PIEZO2: variants seen among roughly 807,000 people sequenced by gnomAD.
PIEZO2 encodes the protein piezo type mechanosensitive ion channel component 2.
Under a neutral mutation model 337.3 loss-of-function variants are expected in PIEZO2, and 172 were observed. The ratio of observed to expected loss-of-function variants is 0.51; its 90% CI spans 0.45 to 0.58. The LOEUF is 0.58. PIEZO2 is among the 20% of genes least tolerant of loss of function. The pLI is 0.00. For missense variants in PIEZO2, 3,028 were observed against 3,391.3 expected (o/e 0.89, Z 2.66); for synonymous variants, 1,251 against 1,228.5 (o/e 1.02, Z -0.38).
chr18:10,798,818 T>G (rs576138312), intron 11 of PIEZO2, among the ~76,000 whole-genome samples: 1 of 152,206 alleles, frequency 6.6e-6, no homozygotes, highest in African/African-American at 2.4e-5. Flanking sequence ...GTGCTCATGC[T>G]CTGAAGAGCA....
chr18:11,142,922 CA>C (rs1351233494), intron 1 of PIEZO2, among the ~76,000 whole-genome samples: 2 of 151,758 alleles, frequency 1.3e-5, no homozygotes, highest in African/African-American at 2.4e-5. Flanking sequence ...ACTAAAAATA[CA>C]AAAAAATTAG....
At chr18:10,790,546 A>G (rs1023468171) in intron 14 of PIEZO2, among the ~76,000 whole-genome samples, 2 of 152,162 alleles carry the variant, frequency 1.3e-5, no homozygotes, top group Non-Finnish European at 2.9e-5. Context: ...GTGGTATACT[A>G]TTGTTAAGAA....
Position 10,978,580 on chromosome 18 carries a change from G to C in PIEZO2, c.286+955C>G, listed in dbSNP as rs116806293. On this transcript the variant is annotated intron_variant, in intron 3 of 55. Transcript: ENST00000674853. ...TATGCAGTGAGGGATAATAGTTTAT[G>C]TATATAAATTTTACTAAAGGATTCC... Among the ~76,000 whole-genome samples, 751 of 152,252 alleles carry C rather than the reference G, an allele frequency of 4.9e-3. 6 individuals carry two copies. The highest frequency in any genetic ancestry group is 0.016 in the African/African-American group (645 of 41,560).
chr18:10,977,011 G>GTGTGTGTGTA (rs1568259478), intron 3 of PIEZO2, among the ~76,000 whole-genome samples: 1 of 150,070 alleles, frequency 6.7e-6, no homozygotes, highest in Non-Finnish European at 1.5e-5. Flanking sequence ...ATGTGTGTGT[G>GTGTGTGTGTA]TGTGTGTGTG....
In PIEZO2 at chr18:11,099,287, A is replaced by T. The variant is rs1392317422; in HGVS notation, c.65-33065T>A. 1.3e-5 allele frequency among the ~76,000 whole-genome samples: 2 copies of T among 152,206 alleles called. No homozygotes were observed. The highest frequency in any genetic ancestry group is 3.8e-4 in the East Asian group (2 of 5,196). ...ATGGATCATAAAGTATGCATATTTT[A>T]AATTTTGATAGACAATATCAAACTT... On this transcript the variant is annotated intron_variant, in intron 1 of 55. Transcript: ENST00000674853. The surrounding 1 kb of genome is among the most constrained non-coding windows in gnomAD (Gnocchi z 5.4).
chr18:10,726,917 T>G lies in PIEZO2; in HGVS notation c.5029+4490A>C. On this transcript the variant is annotated intron_variant, in intron 36 of 55. Transcript: ENST00000674853. This position sits in a 1 kb window ranked among gnomAD's most constrained non-coding sequence, Gnocchi z 5.9. ...ACCAACCGGCTGGATGTGGCGGAGC[T>G]GGGTCGCCTGCTGCCCGACTGATGT... 1 of 1,567,616 alleles carries G rather than the reference T, an allele frequency of 6.4e-7. No homozygotes were observed. The highest frequency in any genetic ancestry group is 1.4e-5 in the African/African-American group (1 of 73,650).
At position 10,789,105 on chromosome 18, in the gene PIEZO2, A is replaced by G. The variant is rs1446077627; in HGVS notation, c.2143T>C (p.Phe715Leu). 6.5e-7 allele frequency: 1 copy of G among 1,537,274 alleles called. No homozygotes were observed. The highest frequency in any genetic ancestry group is 2.4e-5 in the East Asian group (1 of 40,924). The change falls in exon 15 of 56, where the codon TTC (phenylalanine) becomes CTC (leucine). Residue 715 changes from phenylalanine (F) to leucine (L), a missense_variant. By Grantham distance (22) the Phe-to-Leu change is conservative (BLOSUM62 0). Transcript: ENST00000674853. Reference protein sequence around the residue: ...VMYKIIYMVLFLFCVALYQVH... With the variant: ...VMYKIIYMVLLLFCVALYQVH... ...TGGTATAGGGCCACACAGAACAGGA[A>G]CAGCACCATGTAGATGATTTTGTAC...
chr18:10,800,203 AAAG>A (rs1446752440), intron 11 of PIEZO2, 131 bp downstream of exon 11: 1 of 1,249,730 alleles, frequency 8.0e-7, no homozygotes, highest in Non-Finnish European at 1.1e-6. Context: ...GGCAGAACTT[AAAG>A]AAGTGAGGTT....
At chr18:10,882,878 C>G (rs1305682308) in intron 4 of PIEZO2, among the ~76,000 whole-genome samples, 1 of 117,928 alleles carries the variant, frequency 8.5e-6, no homozygotes, top group Non-Finnish European at 1.6e-5. Flanking sequence ...CTTGCCCTGT[C>G]ACCAGGCTGG....
chr18:11,138,921 C>T (rs557198529), intron 1 of PIEZO2, among the ~76,000 whole-genome samples: 47 of 152,310 alleles, frequency 3.1e-4, no homozygotes. Flanking sequence ...CCATTCTCAA[C>T]TTTCAACAGG....
chr18:11,131,055 T>C lies in PIEZO2; in HGVS notation c.64+17470A>G, dbSNP rs1301576140. Among the ~76,000 whole-genome samples the C allele has an allele frequency of 6.6e-6, 1 of 152,144 alleles. No homozygotes were observed. Among genetic ancestry groups the C allele is most frequent in the African/African-American group, 2.4e-5 (1 of 41,440 alleles). On this transcript the variant is annotated intron_variant, in intron 1 of 55. Transcript: ENST00000674853. This position sits in a 1 kb window ranked among gnomAD's most constrained non-coding sequence, Gnocchi z 5.3. ...GAATCACAGCAAAGGCCTCTAGGATTTTGGAGCAAGGCCCTGCCACCTTCT... is the reference window on the plus strand; with the variant it reads ...GAATCACAGCAAAGGCCTCTAGGATCTTGGAGCAAGGCCCTGCCACCTTCT...
chr18:10,801,970 C>T (rs2039833113), intron 9 of PIEZO2, among the ~76,000 whole-genome samples: 2 of 150,850 alleles, frequency 1.3e-5, no homozygotes, highest in Non-Finnish European at 3.0e-5. Flanking sequence ...CTTGTAGTCC[C>T]AGATACTTGG....
At chr18:10,774,444 T>C (rs1357686759) in intron 18 of PIEZO2, among the ~76,000 whole-genome samples, 2 of 119,620 alleles carry the variant, frequency 1.7e-5, no homozygotes, top group African/African-American at 6.0e-5. Flanking sequence ...CACTCTGCCA[T>C]CTAAAGCATG....
chr18:10,803,883 C>T lies in PIEZO2; in HGVS notation c.1192G>A (p.Glu398Lys). The T allele has an allele frequency of 1.3e-6, 2 of 1,537,154 alleles. No homozygotes were observed. Among genetic ancestry groups the T allele is most frequent in the East Asian group, 2.4e-5 (1 of 40,910 alleles). The change falls in exon 9 of 56, where the codon GAG becomes AAG. Residue 398 changes from glutamate (E) to lysine (K), a missense_variant. Glu to Lys is a moderately conservative substitution (Grantham distance 56). Coordinates refer to ENST00000674853, the MANE Select transcript of PIEZO2 (RefSeq NM_001378183.1). ...CTTTCATCATGGCTTACTTTTCTCT[C>T]ATCAGTGGGGTAATGGGTTGCGTAC... Reference protein sequence around the residue: ...LWYATHYPTDERKLLSMTQDD... With the variant: ...LWYATHYPTDKRKLLSMTQDD...
chr18:10,828,596 C>T lies in PIEZO2; in HGVS notation c.918-21322G>A, dbSNP rs1052931315. The stretch of plus-strand genomic sequence containing the variant: ...GCAAAGTGTGTGAGATATTGGTGCC[C>T]AGAGAGGGTCCGGAACTCAAATATT... On this transcript the variant is annotated intron_variant, in intron 7 of 55. Coordinates refer to ENST00000674853, the MANE Select transcript of PIEZO2 (RefSeq NM_001378183.1). The surrounding 1 kb of genome is among the most constrained non-coding windows in gnomAD (Gnocchi z 4.1). 6.6e-6 allele frequency among the ~76,000 whole-genome samples: 1 copy of T among 152,030 alleles called. No individual in the cohort carries two copies. Among genetic ancestry groups the T allele is most frequent in the Non-Finnish European group, 1.5e-5 (1 of 68,006 alleles).
At position 11,009,805 on chromosome 18, in the gene PIEZO2, C is replaced by T. The variant is rs552003234; in HGVS notation, c.161-30145G>A. On this transcript the variant is annotated intron_variant, in intron 2 of 55. Coordinates refer to ENST00000674853, the MANE Select transcript of PIEZO2 (RefSeq NM_001378183.1). This position sits in a 1 kb window ranked among gnomAD's most constrained non-coding sequence, Gnocchi z 4.6. ...GGGCCTAATCCAGTATGCCCGGTGT[C>T]CTTGTAAGAAGAGGAGAGTAGGACG... Among the ~76,000 whole-genome samples, 2 of 152,054 alleles carry T rather than the reference C, an allele frequency of 1.3e-5. No homozygotes were observed. The highest frequency in any genetic ancestry group is 4.2e-4 in the South Asian group (2 of 4,810).
At chr18:11,046,880 G>T (rs1301464640) in intron 2 of PIEZO2, among the ~76,000 whole-genome samples, 1 of 152,196 alleles carries the variant, frequency 6.6e-6, no homozygotes, top group Non-Finnish European at 1.5e-5. Flanking sequence ...AATGTACAGG[G>T]GCATCTGTGG....
Position 11,101,976 on chromosome 18 carries a change from C to T in PIEZO2, c.65-35754G>A, listed in dbSNP as rs1407433319. On this transcript the variant is annotated intron_variant, in intron 1 of 55. Transcript: ENST00000674853. The surrounding 1 kb of genome is among the most constrained non-coding windows in gnomAD (Gnocchi z 4.4). ...ACCTCTGACTGTATATTCTGATGGA[C>T]CAAAAAACATAAAAGGTGATTGTGT... Among the ~76,000 whole-genome samples, 1 of 152,062 alleles carries T rather than the reference C, an allele frequency of 6.6e-6. No homozygotes were observed. The highest frequency in any genetic ancestry group is 2.4e-5 in the African/African-American group (1 of 41,398).
intron 2 of PIEZO2, among the ~76,000 whole-genome samples, chr18:10,991,215 TACAC>T (rs573598542): frequency 1.4e-5 from 2 of 147,668 alleles, no homozygotes; most frequent in Non-Finnish European, 3.0e-5. Flanking sequence ...CATATATATA[TACAC>T]ACACACACAC....
Sources: gnomAD v4.1 joint callset for allele counts (sites outside exome capture counted in the v4.1 genomes callset) on GRCh38, gnomAD v4.1.1 for gene constraint, Gnocchi (gnomAD v3.1) non-coding constraint, MANE v1.5 for transcripts, NCBI Gene and HGNC (gene_info 2026-07-23, HGNC 2026-07-21) for gene names.